The following MEIS1 variants were observed in gnomAD, a reference collection of about 807,000 sequenced individuals.
The protein encoded by MEIS1 is Meis homeobox 1.
Under a neutral mutation model 50.8 loss-of-function variants are expected in MEIS1, and 5 were observed. That is an observed-to-expected ratio of 0.10 (90% CI 0.05 to 0.21). The LOEUF (loss-of-function observed/expected upper bound fraction) is 0.21. MEIS1 is among the 10% of genes least tolerant of loss of function. MEIS1 has a pLI of 1.00. For missense variants in MEIS1, 318 were observed against 517.3 expected, an observed-to-expected ratio of 0.61 and a Z score of 3.74; for synonymous variants, 176 against 179.3, an observed-to-expected ratio of 0.98 and a Z score of 0.15.
In MEIS1 at chr2:66,571,591, G is replaced by T. The variant is rs990741365; in HGVS notation, c.*383G>T. On this transcript the variant is annotated 3_prime_UTR_variant, in exon 13 of 13. Transcript: ENST00000272369. ...TTTCAAATCATGTTTTTTCTGCAAT[G>T]ACTGTGGAGTTCCATTCTTGGCATC... The T allele has an allele frequency of 3.3e-6, 5 of 1,536,314 alleles. No homozygotes were observed. Among genetic ancestry groups the T allele is most frequent in the South Asian group, 1.2e-5 (1 of 83,226 alleles).
At chr2:66,466,298 C>G (rs959925238) in intron 7 of MEIS1, among the ~76,000 whole-genome samples, 5 of 152,218 alleles carry the variant, frequency 3.3e-5, no homozygotes, top group Non-Finnish European at 7.3e-5. Context: ...GAATAACTTC[C>G]ACTGTCATCA....
chr2:66,472,293 C>T (rs995550210), intron 7 of MEIS1, among the ~76,000 whole-genome samples: 1 of 152,168 alleles, frequency 6.6e-6, no homozygotes, highest in South Asian at 2.1e-4. Context: ...TTTAGGGAAG[C>T]ATCCATTTAA....
intron 6 of MEIS1, among the ~76,000 whole-genome samples, chr2:66,447,818 C>T (rs181830054): frequency 6.6e-6 from 1 of 152,156 alleles, no homozygotes; most frequent in Non-Finnish European, 1.5e-5. Context: ...GCGTAGCTTC[C>T]CTCTCTCTCT....
At chr2:66,501,693 G>A (rs183688017) in intron 7 of MEIS1, among the ~76,000 whole-genome samples, 2 of 151,500 alleles carry the variant, frequency 1.3e-5, no homozygotes, top group African/African-American at 4.8e-5. Flanking sequence ...ATTTCCTGGT[G>A]TATGTTGTAT....
intron 9 of MEIS1, chr2:66,562,065 T>TTTTTTTTTG (rs1675229539): frequency 8.2e-6 from 1 of 122,610 alleles, no homozygotes; most frequent in Non-Finnish European, 1.7e-5. Context: ...TTTTTTTTTT[T>TTTTTTTTTG]TTTTTACTTT....
chr2:66,509,616 A>AT (rs911337007), intron 7 of MEIS1, among the ~76,000 whole-genome samples: 4 of 152,244 alleles, frequency 2.6e-5, no homozygotes, highest in African/African-American at 4.8e-5. Context: ...TTGTATCTAC[A>AT]TAAGTCTTCA....
intron 9 of MEIS1, among the ~76,000 whole-genome samples, chr2:66,555,679 G>A (rs1675043584): frequency 1.3e-5 from 2 of 152,094 alleles, no homozygotes; most frequent in Non-Finnish European, 2.9e-5. Context: ...AGTTGCTGAG[G>A]CTGGTGTTGG....
At chr2:66,514,169 G>A (rs1019076413) in intron 8 of MEIS1, among the ~76,000 whole-genome samples, 1 of 152,078 alleles carries the variant, frequency 6.6e-6, no homozygotes, top group Non-Finnish European at 1.5e-5. Flanking sequence ...AGGAGTTTTG[G>A]CTTTACTTGA....
intron 6 of MEIS1, among the ~76,000 whole-genome samples, chr2:66,450,949 A>G (rs1055123027): frequency 6.6e-6 from 1 of 151,986 alleles, no homozygotes; most frequent in Non-Finnish European, 1.5e-5. Context: ...GAAACCTTCT[A>G]TGCCTGAGAT....
At chr2:66,531,539 T>C (rs1674389848) in intron 8 of MEIS1, among the ~76,000 whole-genome samples, 1 of 152,204 alleles carries the variant, frequency 6.6e-6, no homozygotes, top group African/African-American at 2.4e-5. Flanking sequence ...CATGACAGTG[T>C]TGGAAAACCA....
At chr2:66,441,492 A>ACTTACCC (rs1317150048) in intron 5 of MEIS1, 28 bp downstream of exon 5, 2 of 1,520,874 alleles carry the variant, frequency 1.3e-6, no homozygotes, top group Non-Finnish European at 1.8e-6. Context: ...TTTTCCTTTT[A>ACTTACCC]CTTACCCCTT....
At chr2:66,484,341 A>G (rs1673085972) in intron 7 of MEIS1, among the ~76,000 whole-genome samples, 1 of 152,152 alleles carries the variant, frequency 6.6e-6, no homozygotes, top group South Asian at 2.1e-4. Context: ...GTTGTAGCAT[A>G]GTTATGATGA....
intron 7 of MEIS1, among the ~76,000 whole-genome samples, chr2:66,473,397 A>AAT (rs1553373466): frequency 0.021 from 2,202 of 107,024 alleles, 43 homozygotes; most frequent in Non-Finnish European, 0.023. Context: ...AAAAAAAAAA[A>AAT]ATATATATAT....
chr2:66,534,007 T>C (rs1441051481), intron 8 of MEIS1, among the ~76,000 whole-genome samples: 2 of 152,112 alleles, frequency 1.3e-5, no homozygotes, highest in South Asian at 2.1e-4. Context: ...ATCTTAAGAG[T>C]CATCTCAGAT....
intron 8 of MEIS1, among the ~76,000 whole-genome samples, chr2:66,515,878 A>G (rs1673955100): frequency 2.0e-5 from 3 of 152,224 alleles, no homozygotes; most frequent in Admixed American, 2.0e-4. Flanking sequence ...CGTGCTTAAT[A>G]TTTGCATATG....
At chr2:66,453,974 GT>G (rs1042963642) in intron 6 of MEIS1, among the ~76,000 whole-genome samples, 7 of 151,994 alleles carry the variant, frequency 4.6e-5, no homozygotes, top group Admixed American at 2.0e-4. Flanking sequence ...GGAAGGTGGT[GT>G]TCTAATGAAC....
chr2:66,452,264 A>T (rs1019737976), intron 6 of MEIS1, among the ~76,000 whole-genome samples: 15 of 151,904 alleles, frequency 9.9e-5, no homozygotes, highest in African/African-American at 2.9e-4. Flanking sequence ...TTCCTAAGAG[A>T]TGTAGTGTCA....
chr2:66,464,304 T>G, intron 7 of MEIS1, 84 bp downstream of exon 7: 1 of 1,106,268 alleles, frequency 9.0e-7, no homozygotes, highest in Non-Finnish European at 1.3e-6. Flanking sequence ...TTACTAAGTA[T>G]ACAGTTTTTC....
At chr2:66,491,439 T>C (rs950972258) in intron 7 of MEIS1, among the ~76,000 whole-genome samples, 1 of 152,248 alleles carries the variant, frequency 6.6e-6, no homozygotes, top group African/African-American at 2.4e-5. Context: ...TGAAAAATGG[T>C]ATCCATTCCT....
Sources: gnomAD v4.1 joint callset for allele counts (sites outside exome capture counted in the v4.1 genomes callset) on GRCh38, gnomAD v4.1.1 for gene constraint, MANE v1.5 for transcripts, NCBI Gene and HGNC (gene_info 2026-07-23, HGNC 2026-07-21) for gene names.